The following PTPRN2 variants were observed in gnomAD, a reference collection of about 807,000 sequenced individuals.
PTPRN2 encodes the protein protein tyrosine phosphatase receptor type N2.
In PTPRN2, 74 loss-of-function variants were observed where a neutral mutation model predicts 118.8. That is an observed-to-expected ratio of 0.62 (90% CI 0.52 to 0.76). The LOEUF is 0.76. Among genes scored for constraint, PTPRN2 ranks in the 30% least tolerant of loss-of-function variants. The pLI is 0.00. For missense variants in PTPRN2, 1,481 were observed against 1,394.4 expected (o/e 1.06, Z -0.99); for synonymous variants, 641 against 608.0 (o/e 1.05, Z -0.80).
At position 157,964,986 on chromosome 7, in the gene PTPRN2, G is replaced by C. The variant is rs982654828; in HGVS notation, c.1724-66249C>G. Among the ~76,000 whole-genome samples, 2 of 152,220 alleles carry C rather than the reference G, an allele frequency of 1.3e-5. No homozygotes were observed. The highest frequency in any genetic ancestry group is 4.8e-5 in the African/African-American group (2 of 41,454). ...GCCGTAGCGGAACACAGGGATCTGA[G>C]GCACAAGGCAGGGCTGTCCCAGGCA... is the stretch of plus-strand genomic sequence containing the variant. On this transcript the variant is annotated intron_variant, in intron 11 of 22. Transcript: ENST00000389418. The surrounding 1 kb of genome is among the most constrained non-coding windows in gnomAD (Gnocchi z 9.0).
At chr7:158,036,403 A>T (rs1363782951) in intron 11 of PTPRN2, among the ~76,000 whole-genome samples, 1 of 152,348 alleles carries the variant, frequency 6.6e-6, no homozygotes, top group East Asian at 1.9e-4. Context: ...TTCAAGCAAC[A>T]TCTGTTTCCT....
chr7:158,221,808 A>G (rs906685615), intron 3 of PTPRN2, among the ~76,000 whole-genome samples: 1 of 152,148 alleles, frequency 6.6e-6, no homozygotes, highest in African/African-American at 2.4e-5. Flanking sequence ...GTGGGTGGGG[A>G]CACAGCCAAA....
At chr7:158,037,718 G>A (rs1052328200) in intron 11 of PTPRN2, among the ~76,000 whole-genome samples, 2 of 152,108 alleles carry the variant, frequency 1.3e-5, no homozygotes, top group African/African-American at 2.4e-5. Flanking sequence ...ACATTAAATC[G>A]AAATTCAACA....
At chr7:158,521,576 G>A (rs1249111832) in intron 1 of PTPRN2, among the ~76,000 whole-genome samples, 1 of 134,464 alleles carries the variant, frequency 7.4e-6, no homozygotes, top group Non-Finnish European at 1.6e-5. Context: ...ACTGGCTCAG[G>A]GGGGAGGTCC....
chr7:157,571,731 C>T (rs1486046626), intron 19 of PTPRN2, among the ~76,000 whole-genome samples: 1 of 152,194 alleles, frequency 6.6e-6, no homozygotes, highest in Non-Finnish European at 1.5e-5. Context: ...TTTCTTCTTC[C>T]AAGGAGGGGT....
intron 11 of PTPRN2, among the ~76,000 whole-genome samples, chr7:158,071,466 G>GTGGTGGAGTTGCTCC (rs1811632295): frequency 8.1e-6 from 1 of 122,842 alleles, no homozygotes; most frequent in Non-Finnish European, 1.7e-5. Context: ...TGAGGTGCTC[G>GTGGTGGAGTTGCTCC]TGGTGGTGGA....
At chr7:157,846,389 C>G (rs186077705) in intron 12 of PTPRN2, among the ~76,000 whole-genome samples, 12 of 152,108 alleles carry the variant, frequency 7.9e-5, no homozygotes, top group Non-Finnish European at 1.3e-4. Context: ...ATTATGAAAT[C>G]TCTCAGGCCT....
chr7:157,818,033 T>C (rs1300110059), intron 12 of PTPRN2, among the ~76,000 whole-genome samples: 1 of 151,822 alleles, frequency 6.6e-6, no homozygotes, highest in African/African-American at 2.4e-5. Context: ...TATATATGTA[T>C]ATGTTTGTGT....
intron 12 of PTPRN2, among the ~76,000 whole-genome samples, chr7:157,772,380 C>T (rs1404658838): frequency 6.6e-6 from 1 of 152,072 alleles, no homozygotes; most frequent in Non-Finnish European, 1.5e-5. Flanking sequence ...CAGACACACA[C>T]AGATACACAG....
chr7:158,401,467 G>A (rs548705921), intron 2 of PTPRN2, among the ~76,000 whole-genome samples: 39 of 152,278 alleles, frequency 2.6e-4, no homozygotes, highest in East Asian at 7.7e-4. Context: ...ACGGCCCCAC[G>A]GGTGCCAAGA....
At chr7:157,984,539 C>T (rs79943206) in intron 11 of PTPRN2, among the ~76,000 whole-genome samples, 3,316 of 150,396 alleles carry the variant, frequency 0.022, 181 homozygotes, top group African/African-American at 0.079. Context: ...AAACCTAGGC[C>T]AGGGTGTGAA....
intron 2 of PTPRN2, among the ~76,000 whole-genome samples, chr7:158,440,856 G>GATA (rs1563294759): frequency 3.5e-4 from 52 of 147,854 alleles, no homozygotes; most frequent in African/African-American, 1.3e-3. Flanking sequence ...CGGGGGTGGT[G>GATA]GTGGGGGCAG....
In PTPRN2 at chr7:158,239,576, C is replaced by A. The variant is rs193176518; in HGVS notation, c.278-34303G>T. ...GGACGTGGCTTTGTCTGCATCCCTG[C>A]GGCCCCTGCCACTGCACTCGCCACC... On this transcript the variant is annotated intron_variant, in intron 3 of 22. Transcript: ENST00000389418. Among the ~76,000 whole-genome samples, 18 of 152,330 alleles carry A rather than the reference C, an allele frequency of 1.2e-4. No individual in the cohort carries two copies. The East Asian group carries it at 3.5e-3, about 29-fold the overall frequency.
chr7:158,251,145 A>G (rs1201544811), intron 3 of PTPRN2, among the ~76,000 whole-genome samples: 1 of 152,190 alleles, frequency 6.6e-6, no homozygotes, highest in African/African-American at 2.4e-5. Context: ...GGCTCTCAAG[A>G]ACCACACAGC....
intron 3 of PTPRN2, among the ~76,000 whole-genome samples, chr7:158,261,125 G>C (rs907584593): frequency 2.6e-5 from 4 of 152,186 alleles, no homozygotes; most frequent in Admixed American, 6.5e-5. Context: ...GTCAGCAACA[G>C]TGCCCATCCC....
intron 2 of PTPRN2, among the ~76,000 whole-genome samples, chr7:158,376,360 C>A (rs1810506808): frequency 6.7e-6 from 1 of 149,270 alleles, no homozygotes; most frequent in South Asian, 2.1e-4. Flanking sequence ...AGGGGACTCT[C>A]CCACAGTCCT....
At position 157,977,702 on chromosome 7, in the gene PTPRN2, G is replaced by A. The variant is rs901915379; in HGVS notation, c.1724-78965C>T. 1.3e-5 allele frequency among the ~76,000 whole-genome samples: 2 copies of A among 151,710 alleles called. No individual in the cohort carries two copies. Among genetic ancestry groups the A allele is most frequent in the Non-Finnish European group, 2.9e-5 (2 of 67,878 alleles). ...ATGCTGCTCTGTCCAGTACCTGTGA[G>A]CAGGGGAGGTGGGGGCGGGAGGAAG... On this transcript the variant is annotated intron_variant, in intron 11 of 22. Coordinates refer to ENST00000389418, the MANE Select transcript of PTPRN2 (RefSeq NM_002847.5). The surrounding 1 kb of genome is among the most constrained non-coding windows in gnomAD (Gnocchi z 4.6).
At chr7:158,009,181 C>T (rs967606627) in intron 11 of PTPRN2, among the ~76,000 whole-genome samples, 7 of 152,244 alleles carry the variant, frequency 4.6e-5, no homozygotes, top group Middle Eastern at 3.4e-3. Flanking sequence ...CACAAGGCGA[C>T]GCTTCAGACA....
chr7:158,070,408 C>T (rs924342988), intron 11 of PTPRN2, among the ~76,000 whole-genome samples: 742 of 17,088 alleles, frequency 0.043, 14 homozygotes, highest in African/African-American at 0.12. Flanking sequence ...TGGTGGTGGA[C>T]GTGCTCGTGG....
Sources: allele counts gnomAD v4.1 joint callset (sites outside exome capture counted in the v4.1 genomes callset), GRCh38; gene constraint gnomAD v4.1.1; non-coding constraint Gnocchi (gnomAD v3.1); transcripts MANE v1.5; gene names NCBI Gene and HGNC (gene_info 2026-07-23, HGNC 2026-07-21).